Variants in TAF5L observed in about 807,000 individuals in gnomAD.
TAF5L encodes the protein TAF5-like RNA polymerase II p300/CBP-associated factor-associated factor 65 kDa subunit 5L.
A neutral mutation model predicts 51.3 loss-of-function variants in TAF5L; 7 were observed. The ratio of observed to expected loss-of-function variants is 0.14; its 90% CI spans 0.08 to 0.26. The LOEUF (loss-of-function observed/expected upper bound fraction) is 0.26. Ranked by LOEUF, TAF5L falls within the 10% of genes least tolerant of loss-of-function variation. The pLI is 1.00. For synonymous variants in TAF5L, 291 were observed against 308.1 expected, an observed-to-expected ratio of 0.94 and a Z score of 0.58; for missense variants, 575 against 758.9, an observed-to-expected ratio of 0.76 and a Z score of 2.85.
At chr1:229,611,885 G>T (rs1239308055) in intron 2 of TAF5L, among the ~76,000 whole-genome samples, 1 of 152,120 alleles carries the variant, frequency 6.6e-6, no homozygotes, top group African/African-American at 2.4e-5. Flanking sequence ...CAACTATTTA[G>T]TGACCCCCAA....
At chr1:229,607,668 G>T (rs1043054219) in intron 3 of TAF5L, 1 of 179,364 alleles carries the variant, frequency 5.6e-6, no homozygotes, top group Non-Finnish European at 1.1e-5. Flanking sequence ...TCTCATGCTG[G>T]TCTGTGAAAG....
rs549834669 is a variant in TAF5L at position 229,594,636 on chromosome 1, A to C, written c.1431T>G (p.Ser477=). 6.2e-7 allele frequency: 1 copy of C among 1,614,190 alleles called. No homozygotes were observed. Among genetic ancestry groups the C allele is most frequent in the Admixed American group, 1.7e-5 (1 of 60,022 alleles). ...CAGACGCCAAGTACTTACCGTTGGGAGAAAAGGCGAGAGAAAGCACGGGGC... is the reference window on the plus strand; with the variant it reads ...CAGACGCCAAGTACTTACCGTTGGGCGAAAAGGCGAGAGAAAGCACGGGGC... The change falls in exon 5 of 5, where the codon TCT becomes TCG. Residue 477 remains serine, a synonymous_variant. Transcript: ENST00000258281. The surrounding 1 kb of genome is among the most constrained non-coding windows in gnomAD (Gnocchi z 7.9).
At chr1:229,611,725 C>G (rs1202138416) in intron 2 of TAF5L, among the ~76,000 whole-genome samples, 1 of 152,190 alleles carries the variant, frequency 6.6e-6, no homozygotes, top group Non-Finnish European at 1.5e-5. Context: ...CGTCTTTTAA[C>G]TAGTTTCCTC....
At chr1:229,601,494 G>A in intron 4 of TAF5L, 1 of 985,316 alleles carries the variant, frequency 1.0e-6, no homozygotes, top group Non-Finnish European at 1.2e-6. Flanking sequence ...GTGATTTTTG[G>A]TGACCTGAAA....
chr1:229,612,566 A>C (rs1361468089), intron 2 of TAF5L, among the ~76,000 whole-genome samples: 1 of 152,188 alleles, frequency 6.6e-6, no homozygotes, highest in African/African-American at 2.4e-5. Context: ...GAGGAGTTTG[A>C]AGGCAAGGAA....
rs4925500 is a variant in TAF5L, at chr1:229,602,489, G to A, written c.678C>T (p.Pro226=). ...TCTGCAGAATAGGGCTGGGCATGTC[G>A]GGGGGCTCCAAACCGTTGTTCTCAC... The change falls in exon 4 of 5, where the codon CCC becomes CCT. Residue 226 remains proline, a synonymous_variant. Coordinates refer to ENST00000258281, the Ensembl canonical transcript of TAF5L. This position sits in a 1 kb window ranked among gnomAD's most constrained non-coding sequence, Gnocchi z 4.6. 0.77 allele frequency: 1,241,764 copies of A among 1,614,016 alleles called. 479,988 individuals carry two copies. Among genetic ancestry groups the A allele is most frequent in the East Asian group, 0.95 (42,802 of 44,880 alleles).
rs147327637 is a variant in TAF5L, at chr1:229,608,448, A to G, written c.247+1658T>C. On this transcript the variant is annotated intron_variant, in intron 3 of 4. Transcript: ENST00000258281. ...ATTCTGCATATCATATAAATCTTAA[A>G]TATTTCAGTGCAGTGATCAATTTCC... Among the ~76,000 whole-genome samples the G allele has an allele frequency of 4.9e-4, 75 of 152,338 alleles. No homozygotes were observed. The East Asian group carries it at 0.012, about 24-fold the overall frequency.
chr1:229,603,198 A>C (rs1325691807), intron 3 of TAF5L, among the ~76,000 whole-genome samples: 2 of 152,236 alleles, frequency 1.3e-5, no homozygotes, highest in African/African-American at 4.8e-5. Context: ...GCCAGAGTTC[A>C]CAACAATACA....
chr1:229,595,128 A>G (rs757091436), intron 4 of TAF5L, 34 bp from the exon 5 acceptor site: 2 of 1,537,078 alleles, frequency 1.3e-6, no homozygotes, highest in Non-Finnish European at 1.8e-6. Flanking sequence ...GAAAAGAAAC[A>G]CACACAAAAA....
At chr1:229,607,238 T>C (rs1002557639) in intron 3 of TAF5L, 3 of 985,460 alleles carry the variant, frequency 3.0e-6, no homozygotes, top group Non-Finnish European at 3.6e-6. Flanking sequence ...AATTTAACTA[T>C]GAAATAAAGC....
At chr1:229,621,233 A>G (rs1224420138) in intron 1 of TAF5L, among the ~76,000 whole-genome samples, 1 of 152,250 alleles carries the variant, frequency 6.6e-6, no homozygotes, top group Non-Finnish European at 1.5e-5. Context: ...CTACAGAATG[A>G]CATTACCTGG....
Position 229,594,027 on chromosome 1 carries a change from T to G in TAF5L, c.*270A>C, listed in dbSNP as rs920649412. 1 of 379,042 alleles carries G rather than the reference T, an allele frequency of 2.6e-6. No homozygotes were observed. The allele number at this position is 379,042 out of a possible 1,614,324, so 23.5% of individuals were successfully genotyped here. On this transcript the variant is annotated 3_prime_UTR_variant, in exon 5 of 5. Coordinates refer to ENST00000258281, the Ensembl canonical transcript of TAF5L. This position sits in a 1 kb window ranked among gnomAD's most constrained non-coding sequence, Gnocchi z 7.9. ...CAGGAAGGTGCTCGCATGCGCGAGG[T>G]CACGGCAGAGTCTCCATGAGGACTT... is the stretch of plus-strand genomic sequence containing the variant.
At chr1:229,609,985 TTTTAA>T in intron 3 of TAF5L, 116 bp downstream of exon 3, 1 of 756,860 alleles carries the variant, frequency 1.3e-6, no homozygotes, top group Non-Finnish European at 2.1e-6. Context: ...TTACTCTATT[TTTTAA>T]TTTTTCTTTT....
chr1:229,601,811 G>T (rs1664385719), intron 4 of TAF5L: 2 of 1,022,950 alleles, frequency 2.0e-6, no homozygotes, highest in Non-Finnish European at 2.3e-6. Flanking sequence ...GACAATGGAG[G>T]CCCTTCGACT....
chr1:229,595,044 G>C, exon 5 of TAF5L: 1 of 1,613,496 alleles, frequency 6.2e-7, no homozygotes, highest in Non-Finnish European at 8.5e-7. Flanking sequence ...CTGGTCCGCA[G>C]TGGCCCCGCA....
intron 1 of TAF5L, among the ~76,000 whole-genome samples, chr1:229,622,314 T>C (rs981447303): frequency 2.0e-5 from 3 of 152,128 alleles, no homozygotes; most frequent in Admixed American, 2.0e-4. Context: ...AAACAGCACC[T>C]TGTTGTTCAA....
At chr1:229,609,645 A>ACGGGGC (rs1246864237) in intron 3 of TAF5L, among the ~76,000 whole-genome samples, 1 of 152,234 alleles carries the variant, frequency 6.6e-6, no homozygotes, top group Non-Finnish European at 1.5e-5. Context: ...TTTTGGAAAT[A>ACGGGGC]CGGGGCAAAG....
At chr1:229,606,978 T>A in intron 3 of TAF5L, 1 of 985,440 alleles carries the variant, frequency 1.0e-6, no homozygotes, top group African/African-American at 1.7e-5. Context: ...AGACTTTAAT[T>A]TGCATCTCCA....
chr1:229,619,108 CAAGTT>C (rs1665114000), intron 1 of TAF5L, among the ~76,000 whole-genome samples: 3 of 151,996 alleles, frequency 2.0e-5, no homozygotes, highest in African/African-American at 7.3e-5. Flanking sequence ...CTAGGTAACT[CAAGTT>C]ATTAGTTCTC....
Sources: gnomAD v4.1 joint callset for allele counts (sites outside exome capture counted in the v4.1 genomes callset) on GRCh38, gnomAD v4.1.1 for gene constraint, Gnocchi (gnomAD v3.1) non-coding constraint, MANE v1.5 for transcripts, NCBI Gene and HGNC (gene_info 2026-07-23, HGNC 2026-07-21) for gene names.